The following CLUAP1 variants were observed in gnomAD, a reference collection of about 807,000 sequenced individuals.
CLUAP1 encodes intraflagellar transport 38, also known as clusterin-associated protein 1.
Under a neutral mutation model 55.0 loss-of-function variants are expected in CLUAP1, and 50 were observed. The observed-to-expected ratio is 0.91, with a 90% CI of 0.72 to 1.15. CLUAP1 has a LOEUF of 1.15. CLUAP1 is among the 50% of genes most tolerant of loss of function. The pLI is 0.00. For synonymous variants in CLUAP1, 195 were observed against 175.4 expected, an observed-to-expected ratio of 1.11 and a Z score of -0.88; for missense variants, 530 against 507.6, an observed-to-expected ratio of 1.04 and a Z score of -0.42.
At chr16:3,504,596 G>T in intron 1 of CLUAP1, 124 bp from the exon 2 acceptor site, 2 of 617,422 alleles carry the variant, frequency 3.2e-6, no homozygotes, top group Non-Finnish European at 5.9e-6. Context: ...GTAGAAAGTT[G>T]ACAAATAGTC....
chr16:3,524,722 T>C (rs1390497072), intron 8 of CLUAP1, among the ~76,000 whole-genome samples: 1 of 151,350 alleles, frequency 6.6e-6, no homozygotes, highest in African/African-American at 2.4e-5. Flanking sequence ...TTGTGGGAAA[T>C]AAATGTGTGG....
chr16:3,525,895 G>T (rs1350955745), intron 8 of CLUAP1, among the ~76,000 whole-genome samples: 1 of 152,080 alleles, frequency 6.6e-6, no homozygotes, highest in African/African-American at 2.4e-5. Flanking sequence ...AATAATCAAG[G>T]CCACATTTTA....
upstream of CLUAP1, among the ~76,000 whole-genome samples, chr16:3,499,439 T>C (rs1490071819): frequency 1.3e-5 from 2 of 152,268 alleles, no homozygotes; most frequent in Non-Finnish European, 2.9e-5. Context: ...AGATTTAATT[T>C]TTAGGTTTTT....
chr16:3,536,163 T>A lies in CLUAP1; in HGVS notation c.1134T>A (p.Asp378Glu). 6.2e-7 allele frequency: 1 copy of A among 1,614,124 alleles called. No individual in the cohort carries two copies. Among genetic ancestry groups the A allele is most frequent in the East Asian group, 2.2e-5 (1 of 44,862 alleles). ...EESEIDMEDD[D>E]DEDDDLEDES... is the part of the protein sequence containing the mutation. The stretch of plus-strand genomic sequence containing the variant: ...GTGAAATTGACATGGAAGATGATGA[T>A]GACGAGGATGACGATTTGGAAGACG... Residue 378 changes from aspartate to glutamate, a missense_variant, in exon 12 of 12, where the codon GAT (aspartate) becomes GAA (glutamate). Coordinates refer to ENST00000576634, the MANE Select transcript of CLUAP1 (RefSeq NM_015041.3).
chr16:3,512,043 G>T (rs569110801), intron 4 of CLUAP1, among the ~76,000 whole-genome samples: 3 of 152,220 alleles, frequency 2.0e-5, no homozygotes, highest in African/African-American at 7.2e-5. Context: ...AAAATTAGCC[G>T]GGCGTGGTGG....
In CLUAP1 at chr16:3,503,181, T is replaced by G. The variant is rs571546105; in HGVS notation, c.23-1539T>G. Among the ~76,000 whole-genome samples, 3 of 152,254 alleles carry G rather than the reference T, an allele frequency of 2.0e-5. No individual in the cohort carries two copies. The South Asian group carries it at 6.2e-4, about 32-fold the overall frequency. On this transcript the variant is annotated intron_variant, in intron 1 of 11. Transcript: ENST00000576634. Reference sequence around the variant, plus strand: ...TTTTTATTTTATTCTTTTCTTTTTTTGAGATGGAGTCTCGCTCTGTCACCC... The same window carrying G: ...TTTTTATTTTATTCTTTTCTTTTTTGGAGATGGAGTCTCGCTCTGTCACCC...
At position 3,506,362 on chromosome 16, in the gene CLUAP1, G is replaced by A. The variant is rs749597681; in HGVS notation, c.166G>A (p.Val56Met). The A allele has an allele frequency of 1.9e-6, 3 of 1,613,912 alleles. No individual in the cohort carries two copies. Among genetic ancestry groups the A allele is most frequent in the Non-Finnish European group, 8.5e-7 (1 of 1,179,948 alleles). ...GCCCCAGACTGACATCCCGCCTGACGTGGATACTGAACAGGACCGAGTTTT... is the reference window on the plus strand; with the variant it reads ...GCCCCAGACTGACATCCCGCCTGACATGGATACTGAACAGGACCGAGTTTT... ...YEPQTDIPPD[V>M]DTEQDRVFFI... Residue 56 changes from valine to methionine, a missense_variant, in exon 3 of 12, where the codon GTG becomes ATG. Coordinates refer to ENST00000576634, the MANE Select transcript of CLUAP1 (RefSeq NM_015041.3).
intron 8 of CLUAP1, among the ~76,000 whole-genome samples, chr16:3,525,858 C>T (rs972696000): frequency 2.0e-5 from 3 of 152,192 alleles, no homozygotes; most frequent in Middle Eastern, 3.2e-3. Flanking sequence ...TGAGCCACCA[C>T]GCCCAGCCCC....
intron 3 of CLUAP1, among the ~76,000 whole-genome samples, chr16:3,507,306 A>AC (rs2037526492): frequency 6.6e-6 from 1 of 152,104 alleles, no homozygotes; most frequent in African/African-American, 2.4e-5. Context: ...TAATCCTAGC[A>AC]CTTTGGCAGG....
At chr16:3,533,817 G>A (rs1185561419) in intron 11 of CLUAP1, 1 of 152,594 alleles carries the variant, frequency 6.6e-6, no homozygotes, top group African/African-American at 2.4e-5. Flanking sequence ...GGTGTGGATG[G>A]TATACAGCGT....
intron 10 of CLUAP1, among the ~76,000 whole-genome samples, chr16:3,531,841 A>AT (rs570928782): frequency 1.6e-3 from 227 of 143,704 alleles, no homozygotes; most frequent in Middle Eastern, 7.2e-3. Flanking sequence ...CTGCCCCCTA[A>AT]TTTTTTTTTT....
chr16:3,495,994 A>G (rs550846714), upstream of CLUAP1, among the ~76,000 whole-genome samples: 3 of 152,120 alleles, frequency 2.0e-5, no homozygotes, highest in East Asian at 5.8e-4. Context: ...CAAAAAAATT[A>G]GCCGGGCGTC....
intron 1 of CLUAP1, among the ~76,000 whole-genome samples, chr16:3,503,957 T>A (rs2037456503): frequency 1.3e-5 from 2 of 152,162 alleles, no homozygotes; most frequent in Non-Finnish European, 2.9e-5. Flanking sequence ...CAGACAGACC[T>A]TAAATAACCA....
chr16:3,506,487 C>A (rs2037509045), intron 3 of CLUAP1, 72 bp downstream of exon 3: 2 of 1,148,748 alleles, frequency 1.7e-6, no homozygotes, highest in Non-Finnish European at 2.6e-6. Flanking sequence ...GTTAGGGCGA[C>A]TTTCAAACTG....
intron 3 of CLUAP1, among the ~76,000 whole-genome samples, chr16:3,507,559 CA>C (rs59370795): frequency 0.1 from 12,037 of 114,974 alleles, 987 homozygotes; most frequent in African/African-American, 0.26. Context: ...GACCCTATCT[CA>C]AAAAAAAAAA....
the CLUAP1 span, chr16:3,495,441 G>A: frequency 8.1e-4 from 1,307 of 1,607,952 alleles, 6 homozygotes; most frequent in African/African-American, 0.015. Context: ...GTGTGGTGGG[G>A]AGGAGCAACC....
chr16:3,508,775 G>T (rs1023968969), intron 4 of CLUAP1, among the ~76,000 whole-genome samples: 8 of 151,806 alleles, frequency 5.3e-5, no homozygotes, highest in Admixed American at 5.2e-4. Flanking sequence ...TAAGAGGTGT[G>T]GAAGGCCAGA....
chr16:3,515,469 T>C, intron 5 of CLUAP1, 39 bp from the exon 6 acceptor site: 1 of 1,462,830 alleles, frequency 6.8e-7, no homozygotes, highest in East Asian at 2.3e-5. Context: ...GAGAACTCCT[T>C]TTCTGAAAAT....
In CLUAP1 at chr16:3,531,310, A is replaced by G. The variant is rs576527434; in HGVS notation, c.1036+635A>G. Reference sequence around the variant, plus strand: ...CCAAGGCGGGTGGATCACGAGGTCAAGAGATCGAGACCATCCTGGCTAACA... The same window carrying G: ...CCAAGGCGGGTGGATCACGAGGTCAGGAGATCGAGACCATCCTGGCTAACA... On this transcript the variant is annotated intron_variant, in intron 10 of 11. Transcript: ENST00000576634. Among the ~76,000 whole-genome samples, 6 of 152,240 alleles carry G rather than the reference A, an allele frequency of 3.9e-5. No individual in the cohort carries two copies. In the South Asian group the frequency reaches 1.0e-3, roughly 26 times the overall value.
Sources: allele counts gnomAD v4.1 joint callset (sites outside exome capture counted in the v4.1 genomes callset), GRCh38; gene constraint gnomAD v4.1.1; transcripts MANE v1.5; gene names NCBI Gene and HGNC (gene_info 2026-07-23, HGNC 2026-07-21).